MYO16: variants seen among roughly 807,000 people sequenced by gnomAD.
MYO16 encodes the protein myosin XVI.
A neutral mutation model predicts 205.3 loss-of-function variants in MYO16; 94 were observed. The ratio of observed to expected loss-of-function variants is 0.46; its 90% CI spans 0.39 to 0.54. The LOEUF (loss-of-function observed/expected upper bound fraction) is 0.54, where lower values mean the gene tolerates loss of function less well. MYO16 is among the 20% of genes least tolerant of loss of function. The pLI, the probability that MYO16 is intolerant of heterozygous loss-of-function variation, is 0.00. For missense variants in MYO16, 2,315 were observed against 2,387.5 expected, an observed-to-expected ratio of 0.97 and a Z score of 0.63; for synonymous variants, 988 against 954.0, an observed-to-expected ratio of 1.04 and a Z score of -0.66.
rs950242136 is a variant in MYO16, at chr13:108,612,133, G to A, written c.-39+15894G>A. On this transcript the variant is annotated intron_variant, in intron 1 of 24. Coordinates refer to the MYO16 transcript ENST00000251041. ...AATCGCTTGTTGGCTTTACTTTATG[G>A]ATAAGATATGAACATTTTATTTGCC... Among the ~76,000 whole-genome samples the A allele has an allele frequency of 2.0e-5, 3 of 151,958 alleles. No individual in the cohort carries two copies. In the East Asian group the frequency reaches 5.8e-4, roughly 29 times the overall value.
chr13:109,006,012 C>T (rs953444866), intron 21 of MYO16, among the ~76,000 whole-genome samples: 11 of 152,102 alleles, frequency 7.2e-5, no homozygotes, highest in African/African-American at 1.7e-4. Context: ...GGAGTGACCT[C>T]GTGCTGGTCA....
At chr13:109,018,604 G>GAC (rs1257547675) in intron 22 of MYO16, among the ~76,000 whole-genome samples, 1 of 152,192 alleles carries the variant, frequency 6.6e-6, no homozygotes, top group African/African-American at 2.4e-5. Context: ...GCAAGGCTCT[G>GAC]TAGGCATTGG....
At chr13:108,521,664 C>G in the MYO16 span, among the ~76,000 whole-genome samples, 1 of 152,050 alleles carries the variant, frequency 6.6e-6, no homozygotes, top group Non-Finnish European at 1.5e-5. Context: ...GATAATCTAC[C>G]TCTGAACCTG....
chr13:108,799,577 C>T (rs1469182831), intron 6 of MYO16, among the ~76,000 whole-genome samples: 2 of 152,064 alleles, frequency 1.3e-5, no homozygotes, highest in Non-Finnish European at 2.9e-5. Context: ...TTTTTGTGCT[C>T]ATTGTTGAAG....
intron 34 of MYO16, among the ~76,000 whole-genome samples, chr13:109,184,661 A>G (rs915942556): frequency 3.3e-5 from 5 of 152,158 alleles, no homozygotes; most frequent in Admixed American, 2.6e-4. Flanking sequence ...CAGTGGCGCA[A>G]TCTCGGCTCA....
At chr13:108,836,061 C>A (rs1401384071) in intron 9 of MYO16, among the ~76,000 whole-genome samples, 1 of 152,132 alleles carries the variant, frequency 6.6e-6, no homozygotes, top group African/African-American at 2.4e-5. Flanking sequence ...ACAGCAGCCC[C>A]TCTCATCACA....
At chr13:108,584,512 T>A in the MYO16 span, among the ~76,000 whole-genome samples, 1 of 142,046 alleles carries the variant, frequency 7.0e-6, no homozygotes, top group Non-Finnish European at 1.6e-5. Flanking sequence ...TTTTGAAATA[T>A]ACAATTTTTT....
intron 1 of MYO16, among the ~76,000 whole-genome samples, chr13:108,658,066 A>G (rs1200791409): frequency 6.6e-6 from 1 of 152,134 alleles, no homozygotes; most frequent in Non-Finnish European, 1.5e-5. Context: ...TCATTTTGGT[A>G]TCGAGCTTAT....
intron 4 of MYO16, among the ~76,000 whole-genome samples, chr13:108,755,479 TTTATC>T (rs1566588798): frequency 1.3e-5 from 2 of 152,058 alleles, no homozygotes; most frequent in African/African-American, 2.4e-5. Flanking sequence ...AACACATCAT[TTTATC>T]TTAACTTTAA....
intron 4 of MYO16, among the ~76,000 whole-genome samples, chr13:108,738,123 G>T (rs912050960): frequency 4.6e-5 from 7 of 151,856 alleles, no homozygotes; most frequent in African/African-American, 1.7e-4. Flanking sequence ...TTTTTTTTGT[G>T]TTTCTATCTC....
At position 108,666,125 on chromosome 13, in the gene MYO16, A is replaced by C. The variant is rs772880192; in HGVS notation, c.268A>C (p.Ile90Leu). ...CCTCACGGACATGCTACAGGACGCG[A>C]TTATCCACCACAATGACAAAGAAGG... ...FNLTDMLQDAIIHHNDKEVLR... is the reference protein window; with the variant it reads ...FNLTDMLQDALIHHNDKEVLR... The change falls in exon 2 of 35, where the codon ATT (isoleucine) becomes CTT (leucine). Residue 90 changes from isoleucine to leucine, a missense_variant. Transcript: ENST00000457511. 2 of 1,608,942 alleles carry C rather than the reference A, an allele frequency of 1.2e-6. No individual in the cohort carries two copies. Among genetic ancestry groups the C allele is most frequent in the Non-Finnish European group, 1.7e-6 (2 of 1,175,618 alleles).
intron 1 of MYO16, among the ~76,000 whole-genome samples, chr13:108,656,160 C>T (rs1410736918): frequency 6.6e-6 from 1 of 152,086 alleles, no homozygotes; most frequent in Non-Finnish European, 1.5e-5. Flanking sequence ...GAATTATTCT[C>T]CCATAACTCC....
the MYO16 span, among the ~76,000 whole-genome samples, chr13:108,522,101 A>G: frequency 2.0e-5 from 3 of 152,194 alleles, no homozygotes; most frequent in Non-Finnish European, 2.9e-5. Context: ...AGGAAAACAA[A>G]TTTAAGTACA....
intron 4 of MYO16, among the ~76,000 whole-genome samples, chr13:108,747,139 C>T (rs140330076): frequency 2.8e-4 from 43 of 152,292 alleles, no homozygotes; most frequent in Non-Finnish European, 5.4e-4. Flanking sequence ...AGCAGACCTC[C>T]AGCCTTGCAA....
rs545137300 is a variant in MYO16 at position 108,861,308 on chromosome 13, C to T, written c.1360-4869C>T. Among the ~76,000 whole-genome samples, 60 of 152,208 alleles carry T rather than the reference C, an allele frequency of 3.9e-4. 4 individuals are homozygous for T. The highest frequency in any genetic ancestry group is 1.3e-3 in the African/African-American group (52 of 41,544). On this transcript the variant is annotated intron_variant, in intron 11 of 34. Transcript: ENST00000457511. Reference sequence around the variant, plus strand: ...GCAATCTGTTTTGTAGTATTCCTCTCATTATTATGTTTCTAATATTCAGCT... The same window carrying T: ...GCAATCTGTTTTGTAGTATTCCTCTTATTATTATGTTTCTAATATTCAGCT...
chr13:108,708,275 A>G (rs1883590978), intron 2 of MYO16, among the ~76,000 whole-genome samples: 1 of 152,194 alleles, frequency 6.6e-6, no homozygotes, highest in African/African-American at 2.4e-5. Context: ...CTTGATTGAC[A>G]TGTTAATGAG....
chr13:108,626,765 A>G (rs535416556), upstream of MYO16, among the ~76,000 whole-genome samples: 32 of 151,854 alleles, frequency 2.1e-4, no homozygotes, highest in Middle Eastern at 3.4e-3. Context: ...AGATCGCGCC[A>G]TTGCACTGCA....
At chr13:108,574,344 C>T in the MYO16 span, among the ~76,000 whole-genome samples, 1 of 152,120 alleles carries the variant, frequency 6.6e-6, no homozygotes. Context: ...AGATCTATTA[C>T]CTTTCCTTTC....
At chr13:109,191,443 G>A (rs757764639) in intron 34 of MYO16, among the ~76,000 whole-genome samples, 1 of 152,064 alleles carries the variant, frequency 6.6e-6, no homozygotes, top group Non-Finnish European at 1.5e-5. Flanking sequence ...AAAAGAAAAC[G>A]TTCAACAGGG....
Sources: gnomAD v4.1 joint callset for allele counts (sites outside exome capture counted in the v4.1 genomes callset) on GRCh38, gnomAD v4.1.1 for gene constraint, MANE v1.5 for transcripts, NCBI Gene and HGNC (gene_info 2026-07-23, HGNC 2026-07-21) for gene names.